Variants in PCDH9 observed in about 807,000 individuals in gnomAD.
The protein encoded by PCDH9 is protocadherin 9.
Under a neutral mutation model 70.6 loss-of-function variants are expected in PCDH9, and 24 were observed. That is an observed-to-expected ratio of 0.34 (90% CI 0.25 to 0.48). PCDH9 has a LOEUF of 0.48. PCDH9 is among the 20% of genes least tolerant of loss of function. The pLI, the probability that PCDH9 is intolerant of heterozygous loss-of-function variation, is 0.99. For missense variants in PCDH9, 1,281 were observed against 1,503.6 expected, an observed-to-expected ratio of 0.85 and a Z score of 2.45; for synonymous variants, 562 against 558.5, an observed-to-expected ratio of 1.01 and a Z score of -0.09.
intron 2 of PCDH9, among the ~76,000 whole-genome samples, chr13:66,909,576 T>C (rs533804282): frequency 6.6e-6 from 1 of 152,310 alleles, no homozygotes; most frequent in African/African-American, 2.4e-5. Context: ...GAGACCATCC[T>C]GGCTAACATG....
In PCDH9 at chr13:66,326,523, A is replaced by G. The variant is rs547761609; in HGVS notation, c.3341-21495T>C. On this transcript the variant is annotated intron_variant, in intron 4 of 4. Coordinates refer to ENST00000377865, the MANE Select transcript of PCDH9 (RefSeq NM_203487.3). ...AAGCTCCGCCTCCCGGGTTTACGCCATTCTCCTGCCTCAGCCTCCCGAGTA... is the reference window on the plus strand; with the variant it reads ...AAGCTCCGCCTCCCGGGTTTACGCCGTTCTCCTGCCTCAGCCTCCCGAGTA... Among the ~76,000 whole-genome samples the G allele has an allele frequency of 7.2e-5, 11 of 151,726 alleles. No homozygotes were observed. The East Asian group carries it at 2.1e-3, about 29-fold the overall frequency.
chr13:67,216,280 G>T (rs2089598215), intron 2 of PCDH9: 1 of 151,902 alleles, frequency 6.6e-6, no homozygotes, highest in Non-Finnish European at 1.5e-5. Context: ...ACCACTGCAT[G>T]GCAGAAAATC....
chr13:67,167,369 G>A (rs900348139), intron 2 of PCDH9, among the ~76,000 whole-genome samples: 5 of 151,956 alleles, frequency 3.3e-5, no homozygotes, highest in African/African-American at 4.8e-5. Context: ...ATGATTGTGC[G>A]GACTCAAGAC....
chr13:66,850,965 G>A (rs1485000149), intron 3 of PCDH9, among the ~76,000 whole-genome samples: 14 of 152,206 alleles, frequency 9.2e-5, no homozygotes, highest in East Asian at 1.9e-4. Flanking sequence ...CTGAAATTTC[G>A]GACCTCCTTG....
intron 2 of PCDH9, among the ~76,000 whole-genome samples, chr13:67,061,138 A>G (rs927106553): frequency 5.9e-5 from 9 of 152,102 alleles, no homozygotes; most frequent in Non-Finnish European, 1.0e-4. Context: ...AGTAAAAACA[A>G]AAACAAAAAC....
chr13:66,326,993 C>CT (rs112258035), intron 4 of PCDH9, among the ~76,000 whole-genome samples: 229 of 148,484 alleles, frequency 1.5e-3, no homozygotes, highest in African/African-American at 2.4e-3. Flanking sequence ...TTTTGTTTTT[C>CT]TTTTTTTTTT....
intron 4 of PCDH9, among the ~76,000 whole-genome samples, chr13:66,627,549 A>G (rs2077514963): frequency 6.6e-6 from 1 of 152,200 alleles, no homozygotes; most frequent in Admixed American, 6.5e-5. Context: ...ATGTCCCATT[A>G]AACATCAAGA....
intron 2 of PCDH9, among the ~76,000 whole-genome samples, chr13:67,197,311 A>G (rs78207320): frequency 6.6e-6 from 1 of 151,992 alleles, no homozygotes; most frequent in Admixed American, 6.6e-5. Context: ...ATTGTACAAG[A>G]TAAGGAAGCT....
intron 2 of PCDH9, among the ~76,000 whole-genome samples, chr13:67,091,544 C>T (rs941770611): frequency 7.2e-5 from 11 of 152,064 alleles, no homozygotes; most frequent in Non-Finnish European, 1.0e-4. Flanking sequence ...GAGATGGCAG[C>T]CACAGCCTTT....
chr13:67,004,670 G>T (rs2084315202), intron 2 of PCDH9, among the ~76,000 whole-genome samples: 1 of 152,042 alleles, frequency 6.6e-6, no homozygotes, highest in Non-Finnish European at 1.5e-5. Context: ...ATACAGTATG[G>T]GCTTCCATGG....
chr13:66,639,270 T>C (rs991995902), intron 3 of PCDH9, among the ~76,000 whole-genome samples: 1 of 152,252 alleles, frequency 6.6e-6, no homozygotes, highest in African/African-American at 2.4e-5. Context: ...GCATGCTTAG[T>C]TGTGGAGACT....
At chr13:66,739,511 T>C (rs1371556943) in intron 3 of PCDH9, among the ~76,000 whole-genome samples, 4 of 145,666 alleles carry the variant, frequency 2.7e-5, no homozygotes, top group African/African-American at 1.0e-4. Flanking sequence ...TAAATGTAAA[T>C]GGACTAAATT....
intron 4 of PCDH9, among the ~76,000 whole-genome samples, chr13:66,594,259 G>A (rs73515812): frequency 0.013 from 1,941 of 151,564 alleles, 35 homozygotes; most frequent in African/African-American, 0.045. Context: ...ATCATCTTTC[G>A]AATCAAAGGC....
At chr13:66,846,542 ATTGT>A (rs2081213662) in intron 3 of PCDH9, among the ~76,000 whole-genome samples, 2 of 152,060 alleles carry the variant, frequency 1.3e-5, no homozygotes, top group African/African-American at 4.8e-5. Context: ...TATGATTCAT[ATTGT>A]TTGTCTTGTG....
At chr13:66,653,811 C>CA (rs2077886475) in intron 3 of PCDH9, among the ~76,000 whole-genome samples, 3 of 151,358 alleles carry the variant, frequency 2.0e-5, no homozygotes, top group Admixed American at 6.6e-5. Flanking sequence ...ACTAAAAATA[C>CA]AAAAAAATTA....
In PCDH9 at chr13:66,596,265, C is replaced by G. The variant is rs906746135; in HGVS notation, c.3340+34945G>C. Among the ~76,000 whole-genome samples, 34 of 151,636 alleles carry G rather than the reference C, an allele frequency of 2.2e-4. 1 individual carries two copies. Among genetic ancestry groups the G allele is most frequent in the Non-Finnish European group, 8.9e-5 (6 of 67,734 alleles). ...GAGAAAAATTGTTATTACAGGCCTTCATTAAACTTATCTGTTCTCTGTCTC... is the reference window on the plus strand; with the variant it reads ...GAGAAAAATTGTTATTACAGGCCTTGATTAAACTTATCTGTTCTCTGTCTC... On this transcript the variant is annotated intron_variant, in intron 4 of 4. Transcript: ENST00000377865.
chr13:66,355,195 G>A (rs1429626268), intron 4 of PCDH9, among the ~76,000 whole-genome samples: 1 of 151,776 alleles, frequency 6.6e-6, no homozygotes, highest in African/African-American at 2.4e-5. Context: ...TTAATCCCCA[G>A]GCTTGATGAG....
At chr13:67,216,687 T>TATATATATATATATATATATGG (rs1051412585) in intron 2 of PCDH9, 5 of 138,312 alleles carry the variant, frequency 3.6e-5, no homozygotes, top group African/African-American at 1.3e-4. Flanking sequence ...AAGCAACATA[T>TATATATATATATATATATATGG]ATATATATAT....
intron 4 of PCDH9, among the ~76,000 whole-genome samples, chr13:66,491,221 G>A (rs547132658): frequency 3.9e-5 from 6 of 152,068 alleles, no homozygotes; most frequent in Non-Finnish European, 8.8e-5. Flanking sequence ...GTCCATAGTT[G>A]TTCTTTTTTA....
Sources: allele counts gnomAD v4.1 joint callset (sites outside exome capture counted in the v4.1 genomes callset), GRCh38; gene constraint gnomAD v4.1.1; transcripts MANE v1.5; gene names NCBI Gene and HGNC (gene_info 2026-07-23, HGNC 2026-07-21).